The following PSMA6 variants were observed in gnomAD, a reference collection of about 807,000 sequenced individuals.
PSMA6 encodes the protein proteasome 20S subunit alpha 6.
For missense variants in PSMA6, 170 were observed against 294.8 expected, an observed-to-expected ratio of 0.58 and a Z score of 3.10; for synonymous variants, 88 against 97.7, an observed-to-expected ratio of 0.90 and a Z score of 0.59.
intron 1 of PSMA6, among the ~76,000 whole-genome samples, chr14:35,279,920 C>A (rs968603674): frequency 6.7e-6 from 1 of 150,028 alleles, no homozygotes; most frequent in African/African-American, 2.5e-5. Context: ...GTCAGGAGAT[C>A]GAGACCATCC....
chr14:35,286,050 AG>A (rs1247332704), intron 1 of PSMA6, among the ~76,000 whole-genome samples: 6 of 152,218 alleles, frequency 3.9e-5, no homozygotes, highest in African/African-American at 1.4e-4. Context: ...TTCACAAAGA[AG>A]CTGAGTTCCA....
At chr14:35,284,429 GCTCTGTTA>G (rs1304609209) in intron 1 of PSMA6, among the ~76,000 whole-genome samples, 2 of 151,952 alleles carry the variant, frequency 1.3e-5, no homozygotes, top group African/African-American at 4.8e-5. Flanking sequence ...CATCTGTGCT[GCTCTGTTA>G]CACATTTCCT....
At chr14:35,282,681 C>G (rs1341714596) in intron 1 of PSMA6, among the ~76,000 whole-genome samples, 1 of 152,004 alleles carries the variant, frequency 6.6e-6, no homozygotes, top group African/African-American at 2.4e-5. Flanking sequence ...TGAGATTCCC[C>G]CCATCTCTAC....
rs367673861 is a variant in PSMA6 at position 35,317,335 on chromosome 14, A to T, written c.*29A>T. 6.4e-7 allele frequency: 1 copy of T among 1,570,966 alleles called. No homozygotes were observed. The highest frequency in any genetic ancestry group is 1.4e-5 in the African/African-American group (1 of 73,956). On this transcript the variant is annotated 3_prime_UTR_variant, in exon 7 of 7. Transcript: ENST00000261479. Reference sequence around the variant, plus strand: ...TTGTCGTTAGTTTACCAGATCCGTGATGCCACTTACCTGTGTGTTTGGTAA... The same window carrying T: ...TTGTCGTTAGTTTACCAGATCCGTGTTGCCACTTACCTGTGTGTTTGGTAA...
intron 1 of PSMA6, chr14:35,278,783 C>T (rs1289654194): frequency 6.7e-7 from 1 of 1,500,752 alleles, no homozygotes; most frequent in Non-Finnish European, 8.9e-7. Flanking sequence ...GAAAATAAAT[C>T]ATTCTTATAT....
At chr14:35,292,630 C>T (rs536633029) in intron 1 of PSMA6, 78 bp downstream of exon 1, 8 of 1,567,080 alleles carry the variant, frequency 5.1e-6, no homozygotes, top group Non-Finnish European at 6.9e-6. Context: ...AGACGCGGCC[C>T]GGGTTTAGTC....
chr14:35,310,144 T>C (rs1183961033), intron 3 of PSMA6: 13 of 415,446 alleles, frequency 3.1e-5, no homozygotes, highest in Non-Finnish European at 6.1e-5. Flanking sequence ...GAAAAACTAA[T>C]TTAAGCCTAA....
chr14:35,287,183 C>G (rs2051429232), intron 1 of PSMA6, among the ~76,000 whole-genome samples: 1 of 152,172 alleles, frequency 6.6e-6, no homozygotes, highest in Non-Finnish European at 1.5e-5. Flanking sequence ...GAGCCAGGTT[C>G]TTGTCCTCAG....
chr14:35,295,104 G>A (rs950022608), intron 1 of PSMA6, among the ~76,000 whole-genome samples: 2 of 152,118 alleles, frequency 1.3e-5, no homozygotes, highest in Non-Finnish European at 2.9e-5. Context: ...TTGGGAGGGC[G>A]AGGTGGGCAG....
At chr14:35,297,665 A>G (rs917430768) in intron 1 of PSMA6, among the ~76,000 whole-genome samples, 1 of 152,230 alleles carries the variant, frequency 6.6e-6, no homozygotes, top group Middle Eastern at 3.2e-3. Flanking sequence ...TACATTTCTA[A>G]TAATTGGTAG....
intron 1 of PSMA6, among the ~76,000 whole-genome samples, chr14:35,294,184 G>A (rs913615749): frequency 6.6e-6 from 1 of 152,188 alleles, no homozygotes; most frequent in Non-Finnish European, 1.5e-5. Context: ...GGGATTACAG[G>A]CATGCGCCAC....
At chr14:35,297,261 G>T (rs1246421755) in intron 1 of PSMA6, among the ~76,000 whole-genome samples, 1 of 151,004 alleles carries the variant, frequency 6.6e-6, no homozygotes, top group Non-Finnish European at 1.5e-5. Flanking sequence ...TGTCACCCAG[G>T]CTGGAGTGCA....
chr14:35,295,327 G>A (rs1434278958), intron 1 of PSMA6, among the ~76,000 whole-genome samples: 1 of 146,306 alleles, frequency 6.8e-6, no homozygotes, highest in Non-Finnish European at 1.5e-5. Context: ...GACAGAGCTA[G>A]ACTCCATCTA....
chr14:35,282,433 T>A (rs910298845), intron 1 of PSMA6, among the ~76,000 whole-genome samples: 7 of 120,374 alleles, frequency 5.8e-5, no homozygotes, highest in South Asian at 2.4e-4. Flanking sequence ...TAAAAAAAAA[T>A]TTTTTTTTTT....
chr14:35,309,827 C>A (rs1303165164), intron 3 of PSMA6, among the ~76,000 whole-genome samples: 1 of 151,864 alleles, frequency 6.6e-6, no homozygotes, highest in Non-Finnish European at 1.5e-5. Context: ...AAAAACTTAA[C>A]CAGCTATGGT....
chr14:35,305,362 C>T (rs1265602263), intron 1 of PSMA6, among the ~76,000 whole-genome samples: 6 of 152,108 alleles, frequency 3.9e-5, no homozygotes, highest in South Asian at 2.1e-4. Flanking sequence ...CCTGGGACTC[C>T]GGGGCTCAAG....
At chr14:35,306,796 C>A (rs1409707525) in intron 1 of PSMA6, among the ~76,000 whole-genome samples, 1 of 152,118 alleles carries the variant, frequency 6.6e-6, no homozygotes, top group Admixed American at 6.6e-5. Context: ...AGTGTTTTAA[C>A]CAATAGAATG....
At chr14:35,298,535 C>G (rs904907171) in intron 1 of PSMA6, among the ~76,000 whole-genome samples, 2 of 151,808 alleles carry the variant, frequency 1.3e-5, no homozygotes, top group Non-Finnish European at 2.9e-5. Context: ...TTATTATTTT[C>G]TTGCATAATC....
rs374516077 is a variant in PSMA6, at chr14:35,295,784, T to A, written c.76+3232T>A. Among the ~76,000 whole-genome samples the A allele has an allele frequency of 2.5e-4, 38 of 152,312 alleles. No individual in the cohort carries two copies. In the South Asian group the frequency reaches 3.7e-3, roughly 15 times the overall value. ...TTTCTCTTAATGTACATATGCAGGT[T>A]GTATGTGTGTGCATGTATTCATTTG... On this transcript the variant is annotated intron_variant, in intron 1 of 6. Transcript: ENST00000261479.
Sources: allele counts gnomAD v4.1 joint callset (sites outside exome capture counted in the v4.1 genomes callset), GRCh38; gene constraint gnomAD v4.1.1; transcripts MANE v1.5; gene names NCBI Gene and HGNC (gene_info 2026-07-23, HGNC 2026-07-21).